Variants in STK32C observed in about 807,000 individuals in gnomAD.
The protein encoded by STK32C is serine/threonine kinase 32C.
Under a neutral mutation model 56.5 loss-of-function variants are expected in STK32C, and 31 were observed. The ratio of observed to expected loss-of-function variants is 0.55; its 90% CI spans 0.41 to 0.74. The LOEUF (loss-of-function observed/expected upper bound fraction) is 0.74. STK32C is among the 30% of genes least tolerant of loss of function. The pLI is 0.00. For missense variants in STK32C, 544 were observed against 676.9 expected (o/e 0.80, Z 2.18); for synonymous variants, 309 against 289.4 (o/e 1.07, Z -0.69).
rs568929928 is a variant in STK32C at position 132,253,889 on chromosome 10, T to C, written c.263-7934A>G. 9.2e-5 allele frequency among the ~76,000 whole-genome samples: 14 copies of C among 152,380 alleles called. No homozygotes were observed. The South Asian group carries it at 1.7e-3, about 18-fold the overall frequency. ...CCTGGCTAGAACCTTCCTCCCGCCC[T>C]GCAGGGACCCGCCTCTGCGTCTAGC... is the stretch of plus-strand genomic sequence containing the variant. On this transcript the variant is annotated intron_variant, in intron 1 of 11. Transcript: ENST00000298630.
chr10:132,307,825 A>G lies in STK32C; in HGVS notation c.9T>C (p.Ser3=). The G allele has an allele frequency of 9.0e-7, 1 of 1,111,516 alleles. No individual in the cohort carries two copies. Among genetic ancestry groups the G allele is most frequent in the Non-Finnish European group, 1.1e-6 (1 of 906,474 alleles). The allele number at this position is 1,111,516 out of a possible 1,614,324, so 68.9% of individuals were successfully genotyped here. Residue 3 remains serine (S), a synonymous_variant, in exon 1 of 12, where the codon AGT becomes AGC. Coordinates refer to ENST00000298630, the MANE Select transcript of STK32C (RefSeq NM_173575.4). This position sits in a 1 kb window ranked among gnomAD's most constrained non-coding sequence, Gnocchi z 4.4. Reference sequence around the variant, plus strand: ...CGCTGCTGCCCCTGCGCTCGGCGCCACTCCTCATCGCCGGGTCTGGGTGCG... The same window carrying G: ...CGCTGCTGCCCCTGCGCTCGGCGCCGCTCCTCATCGCCGGGTCTGGGTGCG... The part of the protein sequence containing the change: MR[S]GAERRGSSAA...
chr10:132,310,572 G>A (rs1275992116), upstream of STK32C, among the ~76,000 whole-genome samples: 1 of 152,220 alleles, frequency 6.6e-6, no homozygotes, highest in Non-Finnish European at 1.5e-5. The surrounding 1 kb of genome is among the most constrained non-coding windows in gnomAD (Gnocchi z 4.6). Context: ...CTGGGACAGA[G>A]TCAGCTGTGG....
intron 7 of STK32C, 28 bp from the exon 8 acceptor site, chr10:132,224,551 G>A (rs1406866872): frequency 2.0e-6 from 3 of 1,536,554 alleles, no homozygotes; most frequent in East Asian, 2.3e-5. Flanking sequence ...GTGCTGGGCA[G>A]GTCCTCCTGG....
At position 132,208,154 on chromosome 10, in the gene STK32C, G is replaced by T; in HGVS notation, c.1320-3C>A. 2 of 1,309,780 alleles carry T rather than the reference G, an allele frequency of 1.5e-6. No homozygotes were observed. The highest frequency in any genetic ancestry group is 2.0e-6 in the Non-Finnish European group (2 of 1,021,014). The allele number at this position is 1,309,780 out of a possible 1,614,324, so 81.1% of individuals were successfully genotyped here. ...GGAGGTCCTGGCTCCTCTTCAGCCT[G>T]GGGTGGCAGGAACACATGGAGGGCG... is the stretch of plus-strand genomic sequence containing the variant. On this transcript the variant is annotated splice_region_variant and splice_polypyrimidine_tract_variant and intron_variant, in intron 11 of 11. Coordinates refer to ENST00000298630, the MANE Select transcript of STK32C (RefSeq NM_173575.4).
intron 2 of STK32C, 28 bp from the exon 3 acceptor site, chr10:132,228,156 A>ACG: frequency 3.1e-6 from 5 of 1,613,008 alleles, no homozygotes; most frequent in Non-Finnish European, 4.2e-6. Flanking sequence ...GTTCGGCAGG[A>ACG]CGCCTGAGGA....
chr10:132,227,540 T>C (rs1418934386), intron 3 of STK32C, among the ~76,000 whole-genome samples: 1 of 151,762 alleles, frequency 6.6e-6, no homozygotes, highest in African/African-American at 2.4e-5. Context: ...ACAATAGTGA[T>C]TGTGTTGATT....
rs2066107326 is a variant in STK32C at position 132,307,295 on chromosome 10, C to A, written c.262+277G>T. 1.0e-5 allele frequency: 3 copies of A among 288,210 alleles called. No individual in the cohort carries two copies. The highest frequency in any genetic ancestry group is 1.9e-5 in the Non-Finnish European group (3 of 156,024). 17.9% of individuals were successfully genotyped at this position (288,210 alleles called of 1,614,324 possible). ...CACGGGCGGTGGGCGGAGGCGCGCG[C>A]AAGCCCGGAGACGCCACAGCCGCGG... On this transcript the variant is annotated intron_variant, in intron 1 of 11. Coordinates refer to ENST00000298630, the MANE Select transcript of STK32C (RefSeq NM_173575.4). The surrounding 1 kb of genome is among the most constrained non-coding windows in gnomAD (Gnocchi z 4.4).
At chr10:132,291,731 C>T (rs2065570579) in intron 1 of STK32C, among the ~76,000 whole-genome samples, 1 of 152,146 alleles carries the variant, frequency 6.6e-6, no homozygotes, top group South Asian at 2.1e-4. Flanking sequence ...AGAGAACCTT[C>T]AGGTCCCAGA....
intron 10 of STK32C, among the ~76,000 whole-genome samples, chr10:132,215,646 C>T (rs759989546): frequency 2.6e-5 from 4 of 152,250 alleles, no homozygotes; most frequent in East Asian, 1.9e-4. Context: ...TTCCCAGTCT[C>T]GGATATGTCT....
At chr10:132,318,846 A>G (rs2066353821) in intron 1 of STK32C, among the ~76,000 whole-genome samples, 1 of 147,672 alleles carries the variant, frequency 6.8e-6, no homozygotes, top group South Asian at 2.1e-4. Flanking sequence ...ACAACTACAC[A>G]CTTACTAGGA....
downstream of STK32C, among the ~76,000 whole-genome samples, chr10:132,322,094 T>C (rs1056333033): frequency 6.6e-6 from 1 of 152,210 alleles, no homozygotes; most frequent in South Asian, 2.1e-4. Flanking sequence ...CTGGTGCCAG[T>C]TGAGTGAGTG....
chr10:132,225,857 C>A, intron 4 of STK32C, 73 bp from the exon 5 acceptor site: 1 of 1,593,332 alleles, frequency 6.3e-7, no homozygotes, highest in South Asian at 1.1e-5. Flanking sequence ...CTGTCACAAT[C>A]CCTGGAGTCC....
chr10:132,251,204 A>G (rs539588673), intron 1 of STK32C, among the ~76,000 whole-genome samples: 1 of 152,290 alleles, frequency 6.6e-6, no homozygotes, highest in South Asian at 2.1e-4. Context: ...CAGGCCATGA[A>G]TCTGCTCCCA....
chr10:132,330,033 C>T (rs529120746), intron 1 of STK32C, among the ~76,000 whole-genome samples: 12 of 152,192 alleles, frequency 7.9e-5, no homozygotes, highest in Non-Finnish European at 1.5e-4. Context: ...ACAAGGAACG[C>T]GGCACCAGCT....
chr10:132,304,109 C>A (rs929860494), intron 1 of STK32C, among the ~76,000 whole-genome samples: 1 of 152,214 alleles, frequency 6.6e-6, no homozygotes, highest in African/African-American at 2.4e-5. Flanking sequence ...GGAAACAATG[C>A]CAAGTGCACA....
intron 1 of STK32C, chr10:132,330,437 G>A: frequency 1.4e-6 from 1 of 717,228 alleles, no homozygotes. Context: ...TGCCCGGGTG[G>A]CTGGCCTCCC....
chr10:132,249,649 C>G (rs2063827956), intron 1 of STK32C, among the ~76,000 whole-genome samples: 2 of 152,294 alleles, frequency 1.3e-5, no homozygotes, highest in South Asian at 4.1e-4. Flanking sequence ...GTGGCTCCAC[C>G]CTGATGCCCA....
chr10:132,294,807 C>T (rs2065685538), intron 1 of STK32C, among the ~76,000 whole-genome samples: 1 of 152,106 alleles, frequency 6.6e-6, no homozygotes, highest in South Asian at 2.1e-4. Context: ...CAGAGCCCTG[C>T]AGTGACTTCC....
At chr10:132,330,639 C>G (rs2066651424) in intron 1 of STK32C, among the ~76,000 whole-genome samples, 1 of 150,360 alleles carries the variant, frequency 6.7e-6, no homozygotes, top group Admixed American at 6.6e-5. Context: ...TCCCACACAG[C>G]TGGAACTACA....
Sources: allele counts gnomAD v4.1 joint callset (sites outside exome capture counted in the v4.1 genomes callset), GRCh38; gene constraint gnomAD v4.1.1; non-coding constraint Gnocchi (gnomAD v3.1); transcripts MANE v1.5; gene names NCBI Gene and HGNC (gene_info 2026-07-23, HGNC 2026-07-21).